Variants in GRB10 observed in about 807,000 individuals in gnomAD.
GRB10 encodes the protein growth factor receptor bound protein 10.
Under a neutral mutation model 80.9 loss-of-function variants are expected in GRB10, and 20 were observed. The ratio of observed to expected loss-of-function variants is 0.25; its 90% CI spans 0.17 to 0.36. The LOEUF is 0.36. GRB10 is among the 10% of genes least tolerant of loss of function. The pLI, the probability that GRB10 is intolerant of heterozygous loss-of-function variation, is 1.00. For missense variants in GRB10, 548 were observed against 747.7 expected, an observed-to-expected ratio of 0.73 and a Z score of 3.12; for synonymous variants, 291 against 291.5, an observed-to-expected ratio of 1.00 and a Z score of 0.02.
chr7:50,747,308 C>T (rs1030688774), intron 3 of GRB10, among the ~76,000 whole-genome samples: 2 of 152,144 alleles, frequency 1.3e-5, no homozygotes, highest in Admixed American at 6.5e-5. Context: ...AGGAAACCCG[C>T]GAAGCAGAGC....
At chr7:50,627,089 G>A (rs902588646) in intron 7 of GRB10, 111 bp from the exon 8 acceptor site, 2 of 1,121,950 alleles carry the variant, frequency 1.8e-6, no homozygotes, top group African/African-American at 3.0e-5. Flanking sequence ...TCCAACACAT[G>A]GGCAACTGTT....
At chr7:50,752,290 G>A (rs141291080) in intron 3 of GRB10, among the ~76,000 whole-genome samples, 378 of 152,234 alleles carry the variant, frequency 2.5e-3, no homozygotes, top group Non-Finnish European at 4.4e-3. Context: ...AGTTACAGAA[G>A]CCAAAAGTTG....
At chr7:50,632,383 T>C (rs1350564378) in intron 7 of GRB10, among the ~76,000 whole-genome samples, 11 of 152,178 alleles carry the variant, frequency 7.2e-5, no homozygotes, top group Admixed American at 5.9e-4. Flanking sequence ...CAGCTGAGGC[T>C]TGACCCTGAG....
In GRB10 at chr7:50,780,679, C is replaced by T. The variant is rs879268286; in HGVS notation, c.-269G>A. On this transcript the variant is annotated 5_prime_UTR_variant, in exon 2 of 19. Transcript: ENST00000401949. ...GGTTCAGAGGTCACACCTTAAAAAC[C>T]CTGGTCTCTCCTATACATTCTTCCT... 1.1e-4 allele frequency: 16 copies of T among 152,112 alleles called. No individual in the cohort carries two copies. The highest frequency in any genetic ancestry group is 1.8e-4 in the Non-Finnish European group (12 of 68,018). 9.4% of individuals were successfully genotyped at this position (152,112 alleles called of 1,614,324 possible). A position where few individuals can be genotyped will look rare whatever the true frequency, so the allele number is the denominator to read the frequency against.
intron 4 of GRB10, among the ~76,000 whole-genome samples, chr7:50,706,363 C>T (rs1451756894): frequency 3.3e-5 from 5 of 152,216 alleles, no homozygotes; most frequent in Non-Finnish European, 4.4e-5. Context: ...TAAACACCTT[C>T]GAGCACAAAA....
chr7:50,788,921 T>C (rs750702319), intron 1 of GRB10, among the ~76,000 whole-genome samples: 6 of 152,210 alleles, frequency 3.9e-5, no homozygotes, highest in Non-Finnish European at 7.3e-5. Context: ...CCACACCCAA[T>C]GCTGCTGCCC....
At chr7:50,713,811 T>G (rs1333696229) in intron 4 of GRB10, among the ~76,000 whole-genome samples, 1 of 134,878 alleles carries the variant, frequency 7.4e-6, no homozygotes, top group Non-Finnish European at 1.6e-5. Context: ...CCACCATCAC[T>G]TCCACCATCT....
chr7:50,703,766 G>A (rs2064581032), intron 5 of GRB10, 55 bp downstream of exon 5: 2 of 1,198,712 alleles, frequency 1.7e-6, no homozygotes, highest in Non-Finnish European at 2.5e-6. Flanking sequence ...ATCAGATCTG[G>A]GCACTGCTGC....
intron 17 of GRB10, among the ~76,000 whole-genome samples, chr7:50,601,760 T>A (rs2047650309): frequency 2.6e-5 from 4 of 152,198 alleles, no homozygotes; most frequent in Admixed American, 2.6e-4. Flanking sequence ...ACATTTATTT[T>A]TTGTTTTAAA....
intron 8 of GRB10, among the ~76,000 whole-genome samples, chr7:50,625,303 A>T (rs1172697703): frequency 6.6e-6 from 1 of 152,164 alleles, no homozygotes; most frequent in Non-Finnish European, 1.5e-5. Context: ...CTTTCAAATG[A>T]AAAGAATATT....
At position 50,760,086 on chromosome 7, in the gene GRB10, G is replaced by A. The variant is rs79320384; in HGVS notation, c.-216-4030C>T. Among the ~76,000 whole-genome samples, 539 of 152,312 alleles carry A rather than the reference G, an allele frequency of 3.5e-3. 1 individual carries two copies. Among genetic ancestry groups the A allele is most frequent in the African/African-American group, 0.013 (521 of 41,552 alleles). On this transcript the variant is annotated intron_variant, in intron 2 of 18. Coordinates refer to ENST00000401949, the MANE Select transcript of GRB10 (RefSeq NM_001350814.2). Reference sequence around the variant, plus strand: ...CACAAAGATGGGTTAGCCAGAGAGCGTGCTTCCCTCTACGGCCATGCAGAC... The same window carrying A: ...CACAAAGATGGGTTAGCCAGAGAGCATGCTTCCCTCTACGGCCATGCAGAC...
rs562776873 is a variant in GRB10, at chr7:50,672,210, T to C, written c.362+2226A>G. On this transcript the variant is annotated intron_variant, in intron 6 of 18. Transcript: ENST00000401949. ...TGCATGGCAGCCCCCGGTAAGTTCC[T>C]CTGCAGCGTGGACCATGCTCCGTGA... Among the ~76,000 whole-genome samples, 4 of 152,286 alleles carry C rather than the reference T, an allele frequency of 2.6e-5. No homozygotes were observed. In the South Asian group the frequency reaches 6.2e-4, roughly 24 times the overall value.
At chr7:50,710,131 T>C (rs1489182554) in intron 4 of GRB10, among the ~76,000 whole-genome samples, 1 of 152,102 alleles carries the variant, frequency 6.6e-6, no homozygotes, top group Non-Finnish European at 1.5e-5. Flanking sequence ...TCCTCGTACC[T>C]TACCCAGCAG....
At chr7:50,753,445 G>C (rs1419239384) in intron 3 of GRB10, among the ~76,000 whole-genome samples, 4 of 152,332 alleles carry the variant, frequency 2.6e-5, no homozygotes, top group African/African-American at 9.6e-5. Context: ...TCATTCTCTT[G>C]TTGGACAAGA....
chr7:50,710,894 C>T (rs2065790482), intron 4 of GRB10: 1 of 1,612,728 alleles, frequency 6.2e-7, no homozygotes, highest in Non-Finnish European at 8.5e-7. Context: ...GAACAGAGGG[C>T]CGGCAGCTTG....
At chr7:50,713,193 T>C (rs1174361226) in intron 4 of GRB10, among the ~76,000 whole-genome samples, 1 of 152,170 alleles carries the variant, frequency 6.6e-6, no homozygotes, top group Non-Finnish European at 1.5e-5. Flanking sequence ...ATTGAAGATT[T>C]AGTGTGATCA....
chr7:50,742,906 G>C (rs2072156330), intron 3 of GRB10, among the ~76,000 whole-genome samples: 1 of 152,110 alleles, frequency 6.6e-6, no homozygotes, highest in Non-Finnish European at 1.5e-5. Flanking sequence ...GGGCTGGGAA[G>C]GGGGAAACTG....
intron 7 of GRB10, among the ~76,000 whole-genome samples, chr7:50,642,774 G>A (rs897538560): frequency 1.3e-5 from 2 of 152,118 alleles, no homozygotes; most frequent in African/African-American, 4.8e-5. Context: ...CACACGCATA[G>A]ACACATACAT....
chr7:50,792,339 G>C (rs1340216014), intron 1 of GRB10: 1 of 393,930 alleles, frequency 2.5e-6, no homozygotes, highest in Admixed American at 4.4e-5. Context: ...AATCACCTGT[G>C]GCTCTCTTAC....
Sources: allele counts gnomAD v4.1 joint callset (sites outside exome capture counted in the v4.1 genomes callset), GRCh38; gene constraint gnomAD v4.1.1; transcripts MANE v1.5; gene names NCBI Gene and HGNC (gene_info 2026-07-23, HGNC 2026-07-21).